The following MAGI1 variants were observed in gnomAD, a reference collection of about 807,000 sequenced individuals.
MAGI1 encodes the protein membrane-associated guanylate kinase, WW and PDZ domain-containing protein 1.
Under a neutral mutation model 139.9 loss-of-function variants are expected in MAGI1, and 58 were observed. That is an observed-to-expected ratio of 0.41 (90% CI 0.34 to 0.52). The LOEUF (loss-of-function observed/expected upper bound fraction) is 0.52. Ranked by LOEUF, MAGI1 falls within the 20% of genes least tolerant of loss-of-function variation. The probability of loss-of-function intolerance (pLI) is 0.12; values close to 1 mark genes in which losing one functional copy is unlikely to be tolerated. For missense variants in MAGI1, 1,874 were observed against 1,901.6 expected, an observed-to-expected ratio of 0.99 and a Z score of 0.27; for synonymous variants, 812 against 737.9, an observed-to-expected ratio of 1.10 and a Z score of -1.63.
chr3:65,898,997 C>A (rs941767437), intron 1 of MAGI1, among the ~76,000 whole-genome samples: 1 of 152,192 alleles, frequency 6.6e-6, no homozygotes, highest in Admixed American at 6.5e-5. Context: ...TCTTGCCTCA[C>A]TGAAGCCTCA....
chr3:65,382,344 C>T (rs1223672986), intron 15 of MAGI1, among the ~76,000 whole-genome samples: 1 of 152,168 alleles, frequency 6.6e-6, no homozygotes, highest in Non-Finnish European at 1.5e-5. Flanking sequence ...AATTACTTTT[C>T]TCCCTTCATT....
chr3:65,401,375 C>CCCCACCCCCCCCCCCCCCA, intron 13 of MAGI1, 64 bp downstream of exon 13: 6 of 1,008,122 alleles, frequency 6.0e-6, no homozygotes, highest in Admixed American at 2.0e-5. Flanking sequence ...AGTACCCTCC[C>CCCCACCCCCCCCCCCCCCA]ACCTCCAGCC....
At chr3:65,965,546 T>C (rs2064697686) in intron 1 of MAGI1, among the ~76,000 whole-genome samples, 1 of 152,146 alleles carries the variant, frequency 6.6e-6, no homozygotes, top group South Asian at 2.1e-4. Flanking sequence ...AGAGACTTAC[T>C]TGATGTAATC....
chr3:65,360,396 A>G lies in MAGI1; in HGVS notation c.3634+803T>C, dbSNP rs57908810. On this transcript the variant is annotated intron_variant, in intron 22 of 22. Transcript: ENST00000402939. ...TTTTAAACACAAATCTCAAATAAAT[A>G]GGACATAATTATTATCATATACAAT... 885 of 968,560 alleles carry G rather than the reference A, an allele frequency of 9.1e-4. 7 individuals are homozygous for G. In the African/African-American group the frequency reaches 0.015, roughly 16 times the overall value. The allele number at this position is 968,560 out of a possible 1,614,324, so 60.0% of individuals were successfully genotyped here. A position where few individuals can be genotyped will look rare whatever the true frequency, so the allele number is the denominator to read the frequency against.
intron 1 of MAGI1, among the ~76,000 whole-genome samples, chr3:65,689,000 C>T (rs187650990): frequency 5.3e-4 from 80 of 152,282 alleles, no homozygotes; most frequent in South Asian, 6.2e-4. Flanking sequence ...TGTAAATTTT[C>T]CTCGACTATG....
At chr3:65,924,877 G>A (rs2062416726) in intron 1 of MAGI1, 1 of 152,164 alleles carries the variant, frequency 6.6e-6, no homozygotes, top group South Asian at 2.1e-4. Flanking sequence ...AAAGGTAATT[G>A]TTATTATTAT....
chr3:65,463,407 T>C (rs542622656), intron 5 of MAGI1, among the ~76,000 whole-genome samples: 1 of 152,334 alleles, frequency 6.6e-6, no homozygotes, highest in East Asian at 1.9e-4. Flanking sequence ...ATTATGTTTA[T>C]TGATTTGCAT....
At chr3:65,738,873 A>G (rs554584275) in intron 1 of MAGI1, among the ~76,000 whole-genome samples, 16 of 152,348 alleles carry the variant, frequency 1.1e-4, no homozygotes, top group East Asian at 5.8e-4. Context: ...TTCCATATAT[A>G]GAGCACAGGC....
Position 65,723,849 on chromosome 3 carries a change from C to A in MAGI1, c.314-101761G>T, listed in dbSNP as rs540653886. On this transcript the variant is annotated intron_variant, in intron 1 of 22. Coordinates refer to ENST00000402939, the MANE Select transcript of MAGI1 (RefSeq NM_001033057.2). ...ATTATATAGGAGGGTCTCATTAGAG[C>A]CTCAAGTATTTAATCTTTAGTGAGA... is the stretch of plus-strand genomic sequence containing the variant. Among the ~76,000 whole-genome samples, 4 of 152,228 alleles carry A rather than the reference C, an allele frequency of 2.6e-5. No homozygotes were observed. The East Asian group carries it at 7.7e-4, about 29-fold the overall frequency.
At chr3:65,639,863 G>A (rs565658036) in intron 1 of MAGI1, among the ~76,000 whole-genome samples, 21 of 151,968 alleles carry the variant, frequency 1.4e-4, no homozygotes, top group African/African-American at 3.9e-4. Context: ...TTAGCCAGGC[G>A]TGGTGGTGCA....
In MAGI1 at chr3:65,439,913, C is replaced by T. The variant is rs139785185; in HGVS notation, c.1236G>A (p.Gln412=). ...QQQQQQQQQQ[Q]QQQQQQQQQT... is the part of the protein sequence containing the mutation. The stretch of plus-strand genomic sequence containing the variant: ...GCTGCTGCTGCTGCTGCTGCTGCTG[C>T]TGTTGCTGCTGCTGTTGCTGCTGCT... The change falls in exon 9 of 23, where the codon CAG becomes CAA. Residue 412 remains glutamine (Q), a synonymous_variant. Coordinates refer to ENST00000402939, the MANE Select transcript of MAGI1 (RefSeq NM_001033057.2). 259 of 1,586,346 alleles carry T rather than the reference C, an allele frequency of 1.6e-4. No individual in the cohort carries two copies. The highest frequency in any genetic ancestry group is 2.7e-4 in the Admixed American group (16 of 59,362).
chr3:65,907,303 G>A (rs749019407), intron 1 of MAGI1, among the ~76,000 whole-genome samples: 4 of 152,106 alleles, frequency 2.6e-5, no homozygotes, highest in Non-Finnish European at 5.9e-5. Context: ...TAACTCTAGT[G>A]GGTGGATGAG....
At chr3:65,474,626 C>CACAT (rs1224687713) in intron 4 of MAGI1, among the ~76,000 whole-genome samples, 1 of 151,928 alleles carries the variant, frequency 6.6e-6, no homozygotes, top group Non-Finnish European at 1.5e-5. Flanking sequence ...CACACACACA[C>CACAT]ACACACATGC....
intron 3 of MAGI1, among the ~76,000 whole-genome samples, chr3:65,489,254 T>C (rs561601955): frequency 6.6e-6 from 1 of 152,286 alleles, no homozygotes; most frequent in Non-Finnish European, 1.5e-5. Flanking sequence ...AAATAATTAA[T>C]TAAAAAACAT....
chr3:65,558,664 T>C (rs890409218), intron 2 of MAGI1, among the ~76,000 whole-genome samples: 14 of 151,960 alleles, frequency 9.2e-5, no homozygotes, highest in African/African-American at 2.9e-4. Flanking sequence ...GATTTTCAAA[T>C]GGGGTGCATG....
intron 1 of MAGI1, among the ~76,000 whole-genome samples, chr3:65,896,300 C>CA (rs113756012): frequency 4.1e-4 from 55 of 135,088 alleles, no homozygotes; most frequent in East Asian, 1.3e-3. Context: ...GTAATCACGA[C>CA]AAAAAAAAAA....
chr3:65,446,611 T>A (rs147199189), intron 7 of MAGI1, among the ~76,000 whole-genome samples: 1 of 152,214 alleles, frequency 6.6e-6, no homozygotes, highest in African/African-American at 2.4e-5. Flanking sequence ...GTCACACCTA[T>A]TACTTAGGTA....
chr3:65,684,926 C>T (rs1433633242), intron 1 of MAGI1, among the ~76,000 whole-genome samples: 2 of 120,392 alleles, frequency 1.7e-5, no homozygotes, highest in African/African-American at 6.8e-5. Flanking sequence ...CTATGTTGCT[C>T]AGGCTGGTCT....
intron 1 of MAGI1, among the ~76,000 whole-genome samples, chr3:65,711,820 C>G (rs796410397): frequency 6.6e-6 from 1 of 152,138 alleles, no homozygotes; most frequent in African/African-American, 2.4e-5. Flanking sequence ...CTTCTAGCCT[C>G]CAGAACTGAG....
Sources: allele counts gnomAD v4.1 joint callset (sites outside exome capture counted in the v4.1 genomes callset), GRCh38; gene constraint gnomAD v4.1.1; transcripts MANE v1.5; gene names NCBI Gene and HGNC (gene_info 2026-07-23, HGNC 2026-07-21).